The following CSMD1 variants were observed in gnomAD, a reference collection of about 807,000 sequenced individuals.
CSMD1 encodes the protein CUB and Sushi multiple domains 1.
CSMD1 carries 213 observed loss-of-function variants against 417.5 expected under a neutral mutation model. The ratio of observed to expected loss-of-function variants is 0.51; its 90% CI spans 0.46 to 0.57. The LOEUF (loss-of-function observed/expected upper bound fraction) is 0.57, where lower values mean the gene tolerates loss of function less well. Ranked by LOEUF, CSMD1 falls within the 20% of genes least tolerant of loss-of-function variation. The probability of loss-of-function intolerance (pLI) is 0.00; values close to 1 mark genes in which losing one functional copy is unlikely to be tolerated. For missense variants in CSMD1, 6,923 were observed against 4,529.7 expected, an observed-to-expected ratio of 1.53 and a Z score of -15.17; for synonymous variants, 2,862 against 1,736.8, an observed-to-expected ratio of 1.65 and a Z score of -16.11.
At chr8:4,648,237 T>C (rs1323249849) in intron 1 of CSMD1, among the ~76,000 whole-genome samples, 2 of 152,248 alleles carry the variant, frequency 1.3e-5, no homozygotes, top group African/African-American at 4.8e-5. Flanking sequence ...TCTGTTCATA[T>C]CCTTTGCCCA....
chr8:3,587,948 A>G (rs1029510148), intron 8 of CSMD1, among the ~76,000 whole-genome samples: 1 of 152,158 alleles, frequency 6.6e-6, no homozygotes, highest in Admixed American at 6.5e-5. Flanking sequence ...ATACAAAAAA[A>G]CAAAACCCAG....
intron 5 of CSMD1, among the ~76,000 whole-genome samples, chr8:3,761,759 G>A (rs921932408): frequency 2.0e-5 from 3 of 152,052 alleles, no homozygotes; most frequent in Admixed American, 2.0e-4. Context: ...ATCTGCTTAG[G>A]CCTCCTAAAG....
At chr8:4,783,853 C>A (rs531522352) in intron 1 of CSMD1, among the ~76,000 whole-genome samples, 2 of 152,306 alleles carry the variant, frequency 1.3e-5, no homozygotes, top group South Asian at 4.1e-4. Context: ...TGATATCACT[C>A]CTCTAAAGCA....
intron 6 of CSMD1, among the ~76,000 whole-genome samples, chr8:3,743,458 A>T (rs961668016): frequency 6.6e-6 from 1 of 152,238 alleles, no homozygotes; most frequent in African/African-American, 2.4e-5. Context: ...AGACTTCTGA[A>T]TAAGTAATTG....
chr8:3,514,938 T>A (rs1200719460), intron 10 of CSMD1, among the ~76,000 whole-genome samples: 2 of 152,186 alleles, frequency 1.3e-5, no homozygotes, highest in African/African-American at 4.8e-5. Flanking sequence ...GCAAATGTAT[T>A]TGAATTGATA....
At chr8:3,239,967 A>G (rs1460919086) in intron 26 of CSMD1, among the ~76,000 whole-genome samples, 2 of 151,702 alleles carry the variant, frequency 1.3e-5, no homozygotes, top group African/African-American at 2.4e-5. Context: ...GCCGGGGAGC[A>G]GAAAGTATAT....
In CSMD1 at chr8:4,637,311, C is replaced by T. The variant is rs748955076; in HGVS notation, c.302+31G>A. The T allele has an allele frequency of 5.4e-6, 8 of 1,488,362 alleles. No individual in the cohort carries two copies. In the Admixed American group the frequency reaches 1.0e-4, roughly 19 times the overall value. The allele number at this position is 1,488,362 out of a possible 1,614,324, so 92.2% of individuals were successfully genotyped here. ...TCATAATCTGTGTATTCAAACAGTG[C>T]TAACTGTAATATAAAAAGTTGATAC... On this transcript the variant is annotated intron_variant, in intron 2 of 69. Coordinates refer to ENST00000635120, the MANE Select transcript of CSMD1 (RefSeq NM_033225.6).
intron 1 of CSMD1, among the ~76,000 whole-genome samples, chr8:4,853,281 G>C (rs138512967): frequency 1.3e-5 from 2 of 152,152 alleles, no homozygotes; most frequent in African/African-American, 4.8e-5. Context: ...GGTCTACAAA[G>C]AAAGAACAAT....
In CSMD1 at chr8:3,319,023, G is replaced by T. The variant is rs1039028424; in HGVS notation, c.3632-10520C>A. Among the ~76,000 whole-genome samples, 7 of 152,238 alleles carry T rather than the reference G, an allele frequency of 4.6e-5. No individual in the cohort carries two copies. In the South Asian group the frequency reaches 1.5e-3, roughly 32 times the overall value. ...CAACACAGATTCAGCCATTCCTATG[G>T]ATCACTCCCTTACACAGAATGGAAT... is the stretch of plus-strand genomic sequence containing the variant. On this transcript the variant is annotated intron_variant, in intron 23 of 69. Transcript: ENST00000635120.
At chr8:3,261,739 G>T (rs141370134) in intron 26 of CSMD1, among the ~76,000 whole-genome samples, 1 of 152,026 alleles carries the variant, frequency 6.6e-6, no homozygotes, top group Non-Finnish European at 1.5e-5. Flanking sequence ...GAATGAAGAG[G>T]CCAGTCCGAG....
At chr8:3,853,106 G>C (rs761337188) in intron 5 of CSMD1, among the ~76,000 whole-genome samples, 8 of 152,094 alleles carry the variant, frequency 5.3e-5, no homozygotes, top group Admixed American at 2.0e-4. Flanking sequence ...CATCATTCTT[G>C]ATCCAAAAGC....
At chr8:3,161,559 G>A (rs1271119444) in intron 38 of CSMD1, among the ~76,000 whole-genome samples, 1 of 148,818 alleles carries the variant, frequency 6.7e-6, no homozygotes, top group East Asian at 2.0e-4. Flanking sequence ...GGAGCTTGCA[G>A]TGAGCCAAGA....
chr8:4,264,593 C>A (rs978993572), intron 3 of CSMD1, among the ~76,000 whole-genome samples: 4 of 152,086 alleles, frequency 2.6e-5, no homozygotes, highest in Admixed American at 6.6e-5. Context: ...GGTTCCTCGG[C>A]GTTCTAGGGT....
intron 51 of CSMD1, among the ~76,000 whole-genome samples, chr8:3,021,725 T>A (rs1418956527): frequency 8.6e-6 from 1 of 116,422 alleles, no homozygotes; most frequent in East Asian, 3.3e-4. Flanking sequence ...GCACCTGCAA[T>A]CCCGCAGCAT....
At chr8:3,373,550 TGAG>T (rs1318545673) in intron 18 of CSMD1, 1 of 152,152 alleles carries the variant, frequency 6.6e-6, no homozygotes, top group African/African-American at 2.4e-5. Context: ...AAAATTGAAG[TGAG>T]GAGATGAGAG....
At chr8:3,627,903 A>G (rs1796574403) in intron 7 of CSMD1, among the ~76,000 whole-genome samples, 1 of 152,196 alleles carries the variant, frequency 6.6e-6, no homozygotes. Flanking sequence ...GGAGAGCTTT[A>G]AGGAGATAAT....
Position 3,869,300 on chromosome 8 carries a change from G to A in CSMD1, c.819-115258C>T, listed in dbSNP as rs997697372. Among the ~76,000 whole-genome samples, 40 of 152,198 alleles carry A rather than the reference G, an allele frequency of 2.6e-4. 1 individual carries two copies. The highest frequency in any genetic ancestry group is 2.1e-3 in the Admixed American group (32 of 15,282). On this transcript the variant is annotated intron_variant, in intron 5 of 69. Coordinates refer to ENST00000635120, the MANE Select transcript of CSMD1 (RefSeq NM_033225.6). Reference sequence around the variant, plus strand: ...GTGACACACCACATTCTCCTTCTCTGCTTCATTTCTCTCCATGGCATGTAT... The same window carrying A: ...GTGACACACCACATTCTCCTTCTCTACTTCATTTCTCTCCATGGCATGTAT...
At chr8:4,847,121 A>C (rs1801189796) in intron 1 of CSMD1, among the ~76,000 whole-genome samples, 1 of 152,200 alleles carries the variant, frequency 6.6e-6, no homozygotes, top group South Asian at 2.1e-4. Context: ...GTGAAAAGAG[A>C]ACTTACAGAT....
chr8:4,020,080 A>G (rs1796714184), intron 4 of CSMD1, among the ~76,000 whole-genome samples: 1 of 152,192 alleles, frequency 6.6e-6, no homozygotes, highest in African/African-American at 2.4e-5. Context: ...GACAGTAATT[A>G]TAGCAGCTGA....
Sources: allele counts gnomAD v4.1 joint callset (sites outside exome capture counted in the v4.1 genomes callset), GRCh38; gene constraint gnomAD v4.1.1; transcripts MANE v1.5; gene names NCBI Gene and HGNC (gene_info 2026-07-23, HGNC 2026-07-21).